Variants in ELK3 observed in about 807,000 individuals in gnomAD.
ELK3 encodes the protein ETS domain-containing protein Elk-3.
Under a neutral mutation model 28.9 loss-of-function variants are expected in ELK3, and 10 were observed. That is an observed-to-expected ratio of 0.35 (90% confidence interval 0.21 to 0.59). ELK3 has a LOEUF of 0.59. ELK3 is among the 20% of genes least tolerant of loss of function. The pLI is 0.82. For missense variants in ELK3, 463 were observed against 517.3 expected (o/e 0.90, Z 1.02); for synonymous variants, 272 against 243.5 (o/e 1.12, Z -1.09).
intron 1 of ELK3, among the ~76,000 whole-genome samples, chr12:96,218,160 C>T (rs1951633647): frequency 6.6e-6 from 1 of 152,098 alleles, no homozygotes; most frequent in African/African-American, 2.4e-5. Context: ...GGGTGGACCT[C>T]AGCCCCCTGT....
intron 1 of ELK3, among the ~76,000 whole-genome samples, chr12:96,209,312 G>A (rs937789133): frequency 6.6e-6 from 1 of 151,988 alleles, no homozygotes; most frequent in Non-Finnish European, 1.5e-5. Context: ...TTTTGCCTTG[G>A]ATCTACCCTT....
At chr12:96,210,454 C>T (rs922441909) in intron 1 of ELK3, among the ~76,000 whole-genome samples, 6 of 152,080 alleles carry the variant, frequency 3.9e-5, no homozygotes, top group South Asian at 2.1e-4. Context: ...TCTCATGATT[C>T]GTTTCGTGAT....
intron 4 of ELK3, among the ~76,000 whole-genome samples, chr12:96,266,840 T>C (rs1952035841): frequency 6.6e-6 from 1 of 152,252 alleles, no homozygotes; most frequent in African/African-American, 2.4e-5. Flanking sequence ...TATTTTTTCC[T>C]AGTAGCCTAT....
intron 1 of ELK3, among the ~76,000 whole-genome samples, chr12:96,221,587 C>G (rs371779141): frequency 6.6e-6 from 1 of 152,192 alleles, no homozygotes; most frequent in Non-Finnish European, 1.5e-5. Flanking sequence ...CAAGAATTTG[C>G]GACAACTGTT....
intron 4 of ELK3, among the ~76,000 whole-genome samples, chr12:96,261,330 T>C (rs1468969147): frequency 1.3e-5 from 2 of 152,182 alleles, no homozygotes; most frequent in Non-Finnish European, 2.9e-5. Context: ...ACTTGAGCTA[T>C]AGTCATGTTG....
intron 1 of ELK3, among the ~76,000 whole-genome samples, chr12:96,212,204 CAGA>C (rs1452427221): frequency 2.0e-5 from 3 of 152,178 alleles, no homozygotes; most frequent in African/African-American, 2.4e-5. Context: ...CTGCAACCTG[CAGA>C]AGAAGAGGAA....
In ELK3 at chr12:96,243,980, T is replaced by TGTCCC. The variant is rs199595820; in HGVS notation, c.208-2959_208-2958insTCCCG. 8.2e-3 allele frequency among the ~76,000 whole-genome samples: 1,149 copies of TGTCCC among 139,574 alleles called. 57 individuals carry two copies. Among genetic ancestry groups the TGTCCC allele is most frequent in the Admixed American group, 0.079 (1,022 of 12,990 alleles). The allele number at this position is 139,574 out of a possible 152,430, so 91.6% of individuals were successfully genotyped here. On this transcript the variant is annotated intron_variant, in intron 2 of 4. Transcript: ENST00000228741. ...GAGATCACGCCACTACATTCCAGCCTGGACGACAGAGCAAGACTCCATCTC... is the reference window on the plus strand; with the variant it reads ...GAGATCACGCCACTACATTCCAGCCTGTCCCGGACGACAGAGCAAGACTCCATCTC...
At chr12:96,251,406 G>A (rs1488464024) in intron 3 of ELK3, among the ~76,000 whole-genome samples, 2 of 152,112 alleles carry the variant, frequency 1.3e-5, no homozygotes, top group African/African-American at 4.8e-5. Flanking sequence ...TTTGAAATTA[G>A]GCCAATTGAT....
At chr12:96,261,809 T>C (rs1329848115) in intron 4 of ELK3, among the ~76,000 whole-genome samples, 1 of 152,176 alleles carries the variant, frequency 6.6e-6, no homozygotes, top group Admixed American at 6.5e-5. Context: ...GGTTCATGTC[T>C]ACAGTGATTC....
chr12:96,247,571 C>T lies in ELK3; in HGVS notation c.839C>T (p.Ser280Phe). 1 of 1,614,070 alleles carries T rather than the reference C, an allele frequency of 6.2e-7. No homozygotes were observed. The highest frequency in any genetic ancestry group is 1.1e-5 in the South Asian group (1 of 91,074). ...GAGCCCTTGAACCTGTCATCGGGCT[C>T]CAAGACCAAGTCTCCATCTCTTCCC... ...SLEPLNLSSG[S>F]KTKSPSLPPK... Residue 280 changes from serine to phenylalanine, a missense_variant, in exon 3 of 5, where the codon TCC becomes TTC. Ser to Phe is a radical substitution (Grantham distance 155, BLOSUM62 -2). Transcript: ENST00000228741. The surrounding 1 kb of genome is among the most constrained non-coding windows in gnomAD (Gnocchi z 5.5).
At chr12:96,244,369 C>T (rs982884443) in intron 2 of ELK3, among the ~76,000 whole-genome samples, 2 of 152,078 alleles carry the variant, frequency 1.3e-5, no homozygotes. Flanking sequence ...TTTATCACAG[C>T]CCTTGGTTAT....
intron 3 of ELK3, among the ~76,000 whole-genome samples, chr12:96,252,310 G>A (rs1265196468): frequency 6.6e-6 from 1 of 152,168 alleles, no homozygotes; most frequent in African/African-American, 2.4e-5. Context: ...TATTTTTCAT[G>A]CCTGCAAATA....
Position 96,220,382 on chromosome 12 carries a change from A to ATTT in ELK3, c.-2-3163_-2-3161dup, listed in dbSNP as rs35309478. ...ACACCTAGTAGCATACTTTTTCGTG[A>ATTT]TTTTTTTTTTTTTTTTTTTTTTGAG... On this transcript the variant is annotated intron_variant, in intron 1 of 4. Transcript: ENST00000228741. Among the ~76,000 whole-genome samples, 295 of 100,232 alleles carry ATTT rather than the reference A, an allele frequency of 2.9e-3. 3 individuals are homozygous for ATTT. Among genetic ancestry groups the ATTT allele is most frequent in the East Asian group, 0.01 (32 of 3,140 alleles). The allele number at this position is 100,232 out of a possible 152,430, so 65.8% of individuals were successfully genotyped here.
intron 2 of ELK3, among the ~76,000 whole-genome samples, chr12:96,227,072 C>T (rs1951707873): frequency 6.6e-6 from 1 of 152,212 alleles, no homozygotes. Context: ...TCTGAAGTGG[C>T]TCGGCCTCTT....
chr12:96,259,750 T>C lies in ELK3; in HGVS notation c.1022T>C (p.Leu341Pro). The C allele has an allele frequency of 6.2e-7, 1 of 1,610,418 alleles. No homozygotes were observed. Among genetic ancestry groups the C allele is most frequent in the Non-Finnish European group, 8.5e-7 (1 of 1,178,554 alleles). The change falls in exon 4 of 5, where the codon CTG becomes CCG. Residue 341 changes from leucine (L) to proline (P), a missense_variant. Leu to Pro is a moderately conservative substitution (Grantham distance 98). Around this residue, in one of 2 missense-constraint regions of ELK3, gnomAD observed 408 missense variants for 414.8 expected, o/e 0.98. Transcript: ENST00000228741. ...FTAQTPNGLLLTPSPLLSSIH... is the reference protein window; with the variant it reads ...FTAQTPNGLLPTPSPLLSSIH... ...TCCCAGACACCAAATGGATTGCTTC[T>C]GACTCCGAGTCCACTGCTCTCCAGC... is the stretch of plus-strand genomic sequence containing the variant.
In ELK3 at chr12:96,267,148, G is replaced by A. The variant is rs142164746; in HGVS notation, c.1192G>A (p.Val398Ile). The A allele has an allele frequency of 6.1e-5, 99 of 1,613,032 alleles. No individual in the cohort carries two copies. Among genetic ancestry groups the A allele is most frequent in the Non-Finnish European group, 7.9e-5 (93 of 1,179,640 alleles). Residue 398 changes from valine (V) to isoleucine (I), a missense_variant, in exon 5 of 5, where the codon GTA becomes ATA. Physicochemically the swap from Val to Ile is conservative, Grantham distance 29 (BLOSUM62 3). Transcript: ENST00000228741. Reference protein sequence around the residue: ...IPSLDRAASPVLLSSNSQKS With the variant: ...IPSLDRAASPILLSSNSQKS Reference sequence around the variant, plus strand: ...CAGTCTGGACAGAGCTGCTTCTCCAGTACTGCTTTCTTCAAACTCTCAGAA... The same window carrying A: ...CAGTCTGGACAGAGCTGCTTCTCCAATACTGCTTTCTTCAAACTCTCAGAA...
chr12:96,204,143 A>G (rs1951524868), intron 1 of ELK3, among the ~76,000 whole-genome samples: 2 of 152,152 alleles, frequency 1.3e-5, no homozygotes, highest in African/African-American at 4.8e-5. Flanking sequence ...GTGGGATAGG[A>G]TATGTTGAAA....
intron 1 of ELK3, among the ~76,000 whole-genome samples, chr12:96,216,138 A>C (rs1000597556): frequency 6.6e-6 from 1 of 152,154 alleles, no homozygotes; most frequent in Non-Finnish European, 1.5e-5. Flanking sequence ...TGCAGCGGCT[A>C]TGAGCGGTGT....
intron 1 of ELK3, among the ~76,000 whole-genome samples, chr12:96,195,915 C>G (rs1951462465): frequency 7.1e-6 from 1 of 141,148 alleles, no homozygotes; most frequent in Non-Finnish European, 1.6e-5. Context: ...ATTTGAAAGC[C>G]CCTGGCCGGT....
Sources: gnomAD v4.1 joint callset for allele counts (sites outside exome capture counted in the v4.1 genomes callset) on GRCh38, gnomAD v4.1.1 for gene constraint, gnomAD v4.1.1 regional missense constraint, Gnocchi (gnomAD v3.1) non-coding constraint, MANE v1.5 for transcripts, NCBI Gene and HGNC (gene_info 2026-07-23, HGNC 2026-07-21) for gene names.